Variants in KCNA6 observed in about 807,000 individuals in gnomAD.
The protein encoded by KCNA6 is potassium voltage-gated channel subfamily A member 6.
A neutral mutation model predicts 29.5 loss-of-function variants in KCNA6; 17 were observed. The observed-to-expected ratio is 0.58, with a 90% CI of 0.39 to 0.86. The LOEUF is 0.86. Among genes scored for constraint, KCNA6 ranks in the 40% least tolerant of loss-of-function variants. KCNA6 has a pLI of 0.00. For synonymous variants in KCNA6, 296 were observed against 304.7 expected, an observed-to-expected ratio of 0.97 and a Z score of 0.30; for missense variants, 450 against 703.4, an observed-to-expected ratio of 0.64 and a Z score of 4.07.
downstream of KCNA6, among the ~76,000 whole-genome samples, chr12:4,815,795 A>G (rs532741573): frequency 9.8e-5 from 15 of 152,324 alleles, no homozygotes; most frequent in South Asian, 3.1e-3. Context: ...AGGAGGATTA[A>G]GATTCACCAG....
the KCNA6 span, chr12:4,839,256 G>A: frequency 1.3e-5 from 2 of 152,112 alleles, no homozygotes; most frequent in Non-Finnish European, 2.9e-5. Flanking sequence ...TGCCACCCCG[G>A]GAACAGCAAG....
chr12:4,835,276 A>G, the KCNA6 span, among the ~76,000 whole-genome samples: 5 of 149,788 alleles, frequency 3.3e-5, no homozygotes, highest in African/African-American at 1.2e-4. Flanking sequence ...CTGGGACTAC[A>G]GGCACCCGCC....
chr12:4,844,223 T>C, the KCNA6 span, among the ~76,000 whole-genome samples: 1 of 152,228 alleles, frequency 6.6e-6, no homozygotes, highest in African/African-American at 2.4e-5. This position sits in a 1 kb window ranked among gnomAD's most constrained non-coding sequence, Gnocchi z 4.0. Flanking sequence ...GAATTCCCTG[T>C]CCTCGTGGTG....
At chr12:4,846,477 C>T in the KCNA6 span, among the ~76,000 whole-genome samples, 5 of 151,172 alleles carry the variant, frequency 3.3e-5, no homozygotes, top group East Asian at 3.9e-4. Context: ...CCTCCTCGAG[C>T]GACATAATGT....
chr12:4,823,313 T>C, the KCNA6 span, among the ~76,000 whole-genome samples: 2 of 152,090 alleles, frequency 1.3e-5, no homozygotes, highest in Non-Finnish European at 2.9e-5. Context: ...GTGTACTTCA[T>C]GCAATCATAA....
At chr12:4,848,514 C>CAAAAAA in the KCNA6 span, among the ~76,000 whole-genome samples, 1 of 144,944 alleles carries the variant, frequency 6.9e-6, no homozygotes, top group African/African-American at 2.5e-5. Context: ...CAGGAGGGAG[C>CAAAAAA]AAAAAAAAAA....
At chr12:4,812,598 T>C (rs930001232) in exon 1 of KCNA6, 2 of 167,100 alleles carry the variant, frequency 1.2e-5, no homozygotes, top group Non-Finnish European at 1.5e-5. Flanking sequence ...TCCTTCATTT[T>C]CCCCACATTT....
At chr12:4,823,724 G>A in the KCNA6 span, among the ~76,000 whole-genome samples, 6 of 152,136 alleles carry the variant, frequency 3.9e-5, no homozygotes, top group East Asian at 1.9e-4. Context: ...CTGAGACTGC[G>A]CCACTGCACT....
chr12:4,831,826 T>A, the KCNA6 span, among the ~76,000 whole-genome samples: 5 of 152,200 alleles, frequency 3.3e-5, no homozygotes, highest in Admixed American at 3.3e-4. Context: ...CAGGTCTCAG[T>A]ATCAGACTGA....
chr12:4,841,760 AGAG>A, the KCNA6 span, among the ~76,000 whole-genome samples: 1 of 152,152 alleles, frequency 6.6e-6, no homozygotes, highest in Non-Finnish European at 1.5e-5. Flanking sequence ...GGTAATATAG[AGAG>A]GAGAGAGGGA....
the KCNA6 span, among the ~76,000 whole-genome samples, chr12:4,818,994 G>A: frequency 2.6e-5 from 4 of 151,114 alleles, no homozygotes; most frequent in Admixed American, 6.6e-5. Context: ...ATACACACAC[G>A]TATATATACA....
At position 4,810,211 on chromosome 12, in the gene KCNA6, G is replaced by C; in HGVS notation, c.170G>C (p.Arg57Pro). ...GGGCTGCGCTTTGAGACACAATTGC[G>C]CACCCTGTCGCTGTTTCCGGACACG... The change falls in exon 1 of 1, where the codon CGC (arginine) becomes CCC (proline). Residue 57 changes from arginine (R) to proline (P), a missense_variant. Transcript: ENST00000280684. The surrounding 1 kb of genome is among the most constrained non-coding windows in gnomAD (Gnocchi z 7.5). 2 of 1,613,600 alleles carry C rather than the reference G, an allele frequency of 1.2e-6. No individual in the cohort carries two copies. The highest frequency in any genetic ancestry group is 1.7e-6 in the Non-Finnish European group (2 of 1,179,984).
At chr12:4,826,865 T>G in the KCNA6 span, among the ~76,000 whole-genome samples, 5 of 152,232 alleles carry the variant, frequency 3.3e-5, no homozygotes, top group Admixed American at 1.3e-4. Context: ...TCCAGTCTAT[T>G]ATTTTACAAA....
At chr12:4,825,406 A>G in the KCNA6 span, among the ~76,000 whole-genome samples, 1 of 152,188 alleles carries the variant, frequency 6.6e-6, no homozygotes, top group African/African-American at 2.4e-5. Flanking sequence ...AGTGTTTTTC[A>G]ACTTCTTACA....
chr12:4,847,742 T>A, the KCNA6 span, among the ~76,000 whole-genome samples: 3 of 152,198 alleles, frequency 2.0e-5, no homozygotes, highest in African/African-American at 4.8e-5. Flanking sequence ...CTGAGATGTT[T>A]GTAATTTGAT....
the KCNA6 span, among the ~76,000 whole-genome samples, chr12:4,828,521 T>C: frequency 4.6e-5 from 7 of 152,236 alleles, no homozygotes; most frequent in Non-Finnish European, 1.0e-4. Context: ...GTAAACAAAG[T>C]GAGCAATTAA....
the KCNA6 span, among the ~76,000 whole-genome samples, chr12:4,822,546 G>A: frequency 6.6e-6 from 1 of 152,230 alleles, no homozygotes; most frequent in Admixed American, 6.5e-5. Context: ...AGCATGCCAT[G>A]TTCTGTGTCC....
rs1386266129 is a variant in KCNA6, at chr12:4,811,779, G to T, written c.*148G>T. On this transcript the variant is annotated 3_prime_UTR_variant, in exon 1 of 1. Coordinates refer to ENST00000280684, the Ensembl canonical transcript of KCNA6. The surrounding 1 kb of genome is among the most constrained non-coding windows in gnomAD (Gnocchi z 7.1). ...CCTGGCATCCAGGACCAAATACCTG[G>T]ACTATCAACCTTGTTGCTTAATCCC... is the stretch of plus-strand genomic sequence containing the variant. The T allele has an allele frequency of 6.9e-6, 6 of 864,248 alleles. No homozygotes were observed. Among genetic ancestry groups the T allele is most frequent in the Non-Finnish European group, 1.1e-5 (6 of 554,518 alleles). 53.5% of individuals were successfully genotyped at this position (864,248 alleles called of 1,614,324 possible). A position where few individuals can be genotyped will look rare whatever the true frequency, so the allele number is the denominator to read the frequency against.
chr12:4,821,518 C>T, the KCNA6 span, among the ~76,000 whole-genome samples: 3 of 151,806 alleles, frequency 2.0e-5, no homozygotes, highest in South Asian at 4.1e-4. Context: ...TACATGCCTC[C>T]AGCAATTCCA....
Sources: allele counts gnomAD v4.1 joint callset (sites outside exome capture counted in the v4.1 genomes callset), GRCh38; gene constraint gnomAD v4.1.1; non-coding constraint Gnocchi (gnomAD v3.1); transcripts MANE v1.5; gene names NCBI Gene and HGNC (gene_info 2026-07-23, HGNC 2026-07-21).